SLC2A13: variants seen among roughly 807,000 people sequenced by gnomAD.
SLC2A13 encodes proton myo-inositol cotransporter.
In SLC2A13, 32 loss-of-function variants were observed where a neutral mutation model predicts 64.4. The observed-to-expected ratio is 0.50, with a 90% CI of 0.37 to 0.67. The LOEUF (loss-of-function observed/expected upper bound fraction) is 0.67, where lower values mean the gene tolerates loss of function less well. Ranked by LOEUF, SLC2A13 falls within the 30% of genes least tolerant of loss-of-function variation. SLC2A13 has a pLI of 0.00. For missense variants in SLC2A13, 743 were observed against 829.2 expected (o/e 0.90, Z 1.28); for synonymous variants, 338 against 327.1 (o/e 1.03, Z -0.36).
chr12:40,003,672 T>A (rs929019331), intron 3 of SLC2A13, among the ~76,000 whole-genome samples: 1 of 151,716 alleles, frequency 6.6e-6, no homozygotes, highest in East Asian at 1.9e-4. Context: ...AGAGGTATCA[T>A]CGTGGGTTTT....
chr12:40,044,500 T>A (rs1334858346), intron 2 of SLC2A13, among the ~76,000 whole-genome samples: 1 of 152,190 alleles, frequency 6.6e-6, no homozygotes, highest in African/African-American at 2.4e-5. Flanking sequence ...GTTGTTTTTA[T>A]TAAAAAATCA....
intron 4 of SLC2A13, among the ~76,000 whole-genome samples, chr12:39,919,028 T>C (rs895753132): frequency 6.6e-6 from 1 of 151,756 alleles, no homozygotes; most frequent in Non-Finnish European, 1.5e-5. Flanking sequence ...CCAGGCTGGA[T>C]GGAGTGCAGT....
chr12:39,979,546 T>C (rs907812747), intron 3 of SLC2A13, among the ~76,000 whole-genome samples: 4 of 149,614 alleles, frequency 2.7e-5, no homozygotes, highest in Non-Finnish European at 5.9e-5. Flanking sequence ...CAGGAGCCGA[T>C]GCGATCAACT....
intron 4 of SLC2A13, among the ~76,000 whole-genome samples, chr12:39,923,498 A>G (rs1945652674): frequency 1.3e-5 from 2 of 152,106 alleles, no homozygotes; most frequent in Admixed American, 1.3e-4. Context: ...AAGGCTAGGT[A>G]AAGGGGAAAT....
intron 4 of SLC2A13, among the ~76,000 whole-genome samples, chr12:39,896,526 A>C (rs1379878000): frequency 6.9e-6 from 1 of 145,522 alleles, no homozygotes; most frequent in African/African-American, 2.6e-5. Flanking sequence ...GTATACATGT[A>C]TACATGTATG....
chr12:39,940,152 A>C (rs1382400636), intron 4 of SLC2A13, among the ~76,000 whole-genome samples: 1 of 152,176 alleles, frequency 6.6e-6, no homozygotes, highest in Non-Finnish European at 1.5e-5. Flanking sequence ...CGATGAGTAA[A>C]CATTTTATCT....
intron 3 of SLC2A13, among the ~76,000 whole-genome samples, chr12:39,974,110 T>C (rs1946720770): frequency 6.8e-6 from 1 of 148,106 alleles, no homozygotes; most frequent in Non-Finnish European, 1.5e-5. Context: ...GCACTTGCTG[T>C]TTTCCACAAA....
chr12:39,944,832 T>A (rs1328325133), intron 4 of SLC2A13, among the ~76,000 whole-genome samples: 4 of 152,226 alleles, frequency 2.6e-5, no homozygotes, highest in African/African-American at 9.6e-5. Context: ...TTAGGTCATT[T>A]ACATTCAATG....
At chr12:39,964,469 C>G (rs1018228720) in intron 3 of SLC2A13, among the ~76,000 whole-genome samples, 1 of 152,064 alleles carries the variant, frequency 6.6e-6, no homozygotes, top group African/African-American at 2.4e-5. Context: ...GGTGCCATTC[C>G]TAAAATAGAT....
At position 40,057,259 on chromosome 12, in the gene SLC2A13, T is replaced by A. The variant is rs367588804; in HGVS notation, c.557-9049A>T. Among the ~76,000 whole-genome samples the A allele has an allele frequency of 5.3e-5, 8 of 152,142 alleles. No homozygotes were observed. In the South Asian group the frequency reaches 1.5e-3, roughly 28 times the overall value. ...TCCATGAGCAGAAAGCAAAGGAAAT[T>A]GCAATGATAAAAGATATTGTTGAAA... On this transcript the variant is annotated intron_variant, in intron 1 of 9. Transcript: ENST00000280871.
Position 39,896,317 on chromosome 12 carries a change from T to C in SLC2A13, c.1035-24356A>G, listed in dbSNP as rs558189696. Among the ~76,000 whole-genome samples, 7 of 128,208 alleles carry C rather than the reference T, an allele frequency of 5.5e-5. No individual in the cohort carries two copies. The South Asian group carries it at 1.6e-3, about 30-fold the overall frequency. The allele number at this position is 128,208 out of a possible 152,430, so 84.1% of individuals were successfully genotyped here. Reference sequence around the variant, plus strand: ...GTGTGTATATATGTATACATATATGTATGTATATGTGTATATATGTATACA... The same window carrying C: ...GTGTGTATATATGTATACATATATGCATGTATATGTGTATATATGTATACA... On this transcript the variant is annotated intron_variant, in intron 4 of 9. Coordinates refer to ENST00000280871, the MANE Select transcript of SLC2A13 (RefSeq NM_052885.4).
chr12:39,936,539 A>C (rs930162071), intron 4 of SLC2A13, among the ~76,000 whole-genome samples: 1 of 152,146 alleles, frequency 6.6e-6, no homozygotes, highest in African/African-American at 2.4e-5. Flanking sequence ...CTTATTGTAC[A>C]CCAACTTATC....
At chr12:40,077,502 C>T (rs1387517451) in intron 1 of SLC2A13, among the ~76,000 whole-genome samples, 1 of 152,048 alleles carries the variant, frequency 6.6e-6, no homozygotes, top group Non-Finnish European at 1.5e-5. Flanking sequence ...ACCTGTTCCA[C>T]TCCTCTATAT....
chr12:39,910,849 G>A (rs1945411599), intron 4 of SLC2A13, among the ~76,000 whole-genome samples: 1 of 151,992 alleles, frequency 6.6e-6, no homozygotes, highest in Non-Finnish European at 1.5e-5. Flanking sequence ...CTTTGGGAGG[G>A]TGAGGCAGGT....
At chr12:39,850,584 T>C (rs921042864) in intron 6 of SLC2A13, among the ~76,000 whole-genome samples, 1 of 152,220 alleles carries the variant, frequency 6.6e-6, no homozygotes, top group Non-Finnish European at 1.5e-5. Context: ...AATAATTGTA[T>C]CTGTGCCAAC....
intron 6 of SLC2A13, among the ~76,000 whole-genome samples, chr12:39,863,900 A>T (rs932685612): frequency 6.6e-6 from 1 of 152,208 alleles, no homozygotes; most frequent in African/African-American, 2.4e-5. Flanking sequence ...AATTTCATAT[A>T]GGGTTGTATG....
At chr12:39,839,088 C>G (rs562834613) in intron 6 of SLC2A13, among the ~76,000 whole-genome samples, 1 of 152,178 alleles carries the variant, frequency 6.6e-6, no homozygotes, top group African/African-American at 2.4e-5. Context: ...CTCTCTTTCC[C>G]CTAACAGCTA....
chr12:39,920,573 G>A (rs952788347), intron 4 of SLC2A13, among the ~76,000 whole-genome samples: 1 of 152,072 alleles, frequency 6.6e-6, no homozygotes, highest in African/African-American at 2.4e-5. Flanking sequence ...CATCTGGTCA[G>A]TGAACATTTA....
chr12:40,093,309 A>C (rs1459781470), intron 1 of SLC2A13, among the ~76,000 whole-genome samples: 3 of 152,214 alleles, frequency 2.0e-5, no homozygotes, highest in East Asian at 1.9e-4. Context: ...TTCCTACAAC[A>C]TCCTTGATCC....
Sources: allele counts gnomAD v4.1 joint callset (sites outside exome capture counted in the v4.1 genomes callset), GRCh38; gene constraint gnomAD v4.1.1; transcripts MANE v1.5; gene names NCBI Gene and HGNC (gene_info 2026-07-23, HGNC 2026-07-21).